Variants in FILIP1L observed in about 807,000 individuals in gnomAD.
FILIP1L encodes the protein filamin A-interacting protein 1-like.
In FILIP1L, 55 loss-of-function variants were observed where a neutral mutation model predicts 96.6. The ratio of observed to expected loss-of-function variants is 0.57; its 90% confidence interval spans 0.46 to 0.71. The LOEUF (loss-of-function observed/expected upper bound fraction) is 0.71. FILIP1L is among the 30% of genes least tolerant of loss of function. The probability of loss-of-function intolerance (pLI) is 0.00; values close to 1 mark genes in which losing one functional copy is unlikely to be tolerated. For synonymous variants in FILIP1L, 467 were observed against 473.9 expected, an observed-to-expected ratio of 0.99 and a Z score of 0.19; for missense variants, 1,304 against 1,321.2, an observed-to-expected ratio of 0.99 and a Z score of 0.20.
chr3:99,876,150 C>T, intron 4 of FILIP1L: 1 of 986,070 alleles, frequency 1.0e-6, no homozygotes, highest in South Asian at 4.7e-5. Flanking sequence ...ACTGTGCGCG[C>T]TCCGAGAGTC....
chr3:99,888,557 T>C (rs1705981663), intron 4 of FILIP1L, among the ~76,000 whole-genome samples: 1 of 152,180 alleles, frequency 6.6e-6, no homozygotes, highest in Non-Finnish European at 1.5e-5. Context: ...GTTGGTTTTG[T>C]AGAGGTGCCT....
chr3:100,087,488 G>T (rs1334692098), intron 1 of FILIP1L, among the ~76,000 whole-genome samples: 3 of 152,148 alleles, frequency 2.0e-5, no homozygotes, highest in African/African-American at 7.2e-5. Flanking sequence ...ATGACTAATG[G>T]TGTTGAGCAT....
intron 1 of FILIP1L, among the ~76,000 whole-genome samples, chr3:99,967,035 G>T (rs1708674862): frequency 6.6e-6 from 1 of 152,140 alleles, no homozygotes; most frequent in Admixed American, 6.5e-5. Flanking sequence ...GAGAAGAAAT[G>T]ATAAGAGAGG....
intron 1 of FILIP1L, among the ~76,000 whole-genome samples, chr3:99,936,982 G>A (rs1198316860): frequency 6.6e-6 from 1 of 152,036 alleles, no homozygotes; most frequent in Non-Finnish European, 1.5e-5. Context: ...TTGTTACTCA[G>A]GCTGGAGTGC....
At chr3:99,999,361 G>C (rs1354647505) in intron 1 of FILIP1L, among the ~76,000 whole-genome samples, 2 of 152,172 alleles carry the variant, frequency 1.3e-5, no homozygotes, top group East Asian at 3.8e-4. Context: ...CCCTGCATCA[G>C]AGTCATAAGT....
intron 1 of FILIP1L, among the ~76,000 whole-genome samples, chr3:100,034,440 T>G (rs1051993575): frequency 1.3e-5 from 2 of 152,124 alleles, no homozygotes; most frequent in African/African-American, 4.8e-5. Flanking sequence ...TCACACTGGC[T>G]TTAGTAAGGA....
chr3:100,091,780 A>G (rs562210094), intron 1 of FILIP1L, among the ~76,000 whole-genome samples: 1 of 152,300 alleles, frequency 6.6e-6, no homozygotes, highest in African/African-American at 2.4e-5. Flanking sequence ...CATATTTCCA[A>G]TATTTTCCTT....
chr3:99,952,235 T>C (rs1708199433), intron 1 of FILIP1L, among the ~76,000 whole-genome samples: 1 of 152,166 alleles, frequency 6.6e-6, no homozygotes, highest in Non-Finnish European at 1.5e-5. Flanking sequence ...ATATAGTCTC[T>C]GATCACAAAA....
intron 1 of FILIP1L, chr3:100,040,724 A>G (rs1225945325): frequency 1.3e-5 from 2 of 152,194 alleles, no homozygotes; most frequent in Non-Finnish European, 2.9e-5. Context: ...GTCCTATGCC[A>G]AGAGGTTGTG....
At chr3:99,843,560 T>A (rs1306568872) in intron 5 of FILIP1L, among the ~76,000 whole-genome samples, 1 of 152,206 alleles carries the variant, frequency 6.6e-6, no homozygotes, top group Non-Finnish European at 1.5e-5. Context: ...TAGAACCACA[T>A]AAACCCACTG....
chr3:100,076,663 A>G (rs9823908), intron 1 of FILIP1L, among the ~76,000 whole-genome samples: 27,633 of 152,060 alleles, frequency 0.18, 2,905 homozygotes, highest in South Asian at 0.25. Flanking sequence ...TTTACTGTTC[A>G]TTTTTCTGAT....
At chr3:100,045,304 G>A (rs904572236) in intron 1 of FILIP1L, among the ~76,000 whole-genome samples, 1 of 152,102 alleles carries the variant, frequency 6.6e-6, no homozygotes, top group East Asian at 1.9e-4. Context: ...CTCAATATAT[G>A]GTAATTGCCA....
At chr3:100,101,961 TA>T (rs1290174772) in intron 1 of FILIP1L, among the ~76,000 whole-genome samples, 2 of 152,212 alleles carry the variant, frequency 1.3e-5, no homozygotes, top group Non-Finnish European at 2.9e-5. Flanking sequence ...CATCATTTTT[TA>T]TGGCTGCATA....
At chr3:99,907,691 C>T (rs1265835791) in intron 4 of FILIP1L, among the ~76,000 whole-genome samples, 2 of 152,084 alleles carry the variant, frequency 1.3e-5, no homozygotes, top group Non-Finnish European at 2.9e-5. Context: ...TGCCCTAATC[C>T]CCTTCCCTTA....
chr3:99,935,857 G>A (rs751740658), intron 1 of FILIP1L, among the ~76,000 whole-genome samples: 1 of 152,214 alleles, frequency 6.6e-6, no homozygotes, highest in African/African-American at 2.4e-5. Flanking sequence ...TGGTAAGGAT[G>A]TGTCCATGCA....
At chr3:100,067,441 C>T (rs569165358) in intron 1 of FILIP1L, among the ~76,000 whole-genome samples, 1 of 152,152 alleles carries the variant, frequency 6.6e-6, no homozygotes, top group Non-Finnish European at 1.5e-5. Context: ...GAATCCCTGG[C>T]TCCAATTATT....
At chr3:99,969,637 G>A (rs749400117) in intron 1 of FILIP1L, among the ~76,000 whole-genome samples, 1 of 152,180 alleles carries the variant, frequency 6.6e-6, no homozygotes, top group Non-Finnish European at 1.5e-5. Context: ...GAGAGCAGAG[G>A]TAGTAAGGGC....
intron 1 of FILIP1L, among the ~76,000 whole-genome samples, chr3:99,977,759 A>G (rs1709013463): frequency 1.3e-5 from 2 of 152,306 alleles, no homozygotes; most frequent in South Asian, 4.1e-4. Context: ...GATCAGGACT[A>G]CTGGGTCAGT....
At chr3:99,991,836 A>ATGTG (rs112596171) in intron 1 of FILIP1L, among the ~76,000 whole-genome samples, 6,471 of 143,390 alleles carry the variant, frequency 0.045, 177 homozygotes, top group Middle Eastern at 0.08. Flanking sequence ...ATATATATAT[A>ATGTG]TGTGTGTGTG....
Sources: gnomAD v4.1 joint callset for allele counts (sites outside exome capture counted in the v4.1 genomes callset) on GRCh38, gnomAD v4.1.1 for gene constraint, MANE v1.5 for transcripts, NCBI Gene and HGNC (gene_info 2026-07-23, HGNC 2026-07-21) for gene names.